KCNK9: variants seen among roughly 807,000 people sequenced by gnomAD.
KCNK9 encodes potassium channel subfamily K member 9.
A neutral mutation model predicts 10.8 loss-of-function variants in KCNK9; 1 was observed. The ratio of observed to expected loss-of-function variants is 0.09; its 90% CI spans 0.03 to 0.44. KCNK9 has a LOEUF of 0.44. KCNK9 is among the 20% of genes least tolerant of loss of function. The pLI is 0.97. For missense variants in KCNK9, 303 were observed against 515.0 expected, an observed-to-expected ratio of 0.59 and a Z score of 3.98; for synonymous variants, 231 against 222.7, an observed-to-expected ratio of 1.04 and a Z score of -0.33.
downstream of KCNK9, among the ~76,000 whole-genome samples, chr8:139,613,438 C>T (rs1171744883): frequency 6.6e-6 from 1 of 152,178 alleles, no homozygotes; most frequent in Non-Finnish European, 1.5e-5. Context: ...GCCCAGAATG[C>T]ACCTGGCCTT....
intron 1 of KCNK9, among the ~76,000 whole-genome samples, chr8:139,689,767 C>G (rs576956676): frequency 6.6e-6 from 1 of 151,956 alleles, no homozygotes. Flanking sequence ...CTCAGCCTCC[C>G]GAATAGCTGG....
chr8:139,623,324 G>A (rs1255043665), intron 1 of KCNK9, among the ~76,000 whole-genome samples: 2 of 152,140 alleles, frequency 1.3e-5, no homozygotes, highest in Non-Finnish European at 2.9e-5. Context: ...GGGGTCAGAA[G>A]ATATATTCAT....
intron 2 of KCNK9, among the ~76,000 whole-genome samples, chr8:139,604,310 G>A (rs371298186): frequency 6.6e-6 from 1 of 152,160 alleles, no homozygotes; most frequent in African/African-American, 2.4e-5. Flanking sequence ...CACAATAGAC[G>A]TGTCAAGTGT....
At chr8:139,660,873 G>T (rs571423747) in intron 1 of KCNK9, among the ~76,000 whole-genome samples, 1 of 152,126 alleles carries the variant, frequency 6.6e-6, no homozygotes, top group Non-Finnish European at 1.5e-5. Flanking sequence ...AGAGCTAGCT[G>T]GTAGAGGACC....
intron 1 of KCNK9, among the ~76,000 whole-genome samples, chr8:139,647,041 C>A (rs1446991094): frequency 6.6e-6 from 1 of 152,194 alleles, no homozygotes; most frequent in East Asian, 1.9e-4. Flanking sequence ...GCTCCCAGAC[C>A]CTACACAAGG....
intron 1 of KCNK9, among the ~76,000 whole-genome samples, chr8:139,640,345 C>T (rs867798224): frequency 4.6e-5 from 7 of 152,328 alleles, no homozygotes; most frequent in Middle Eastern, 3.4e-3. Flanking sequence ...GAGCCCCTGA[C>T]GCACTGTACA....
intron 1 of KCNK9, among the ~76,000 whole-genome samples, chr8:139,675,852 C>T (rs1007319319): frequency 6.6e-6 from 1 of 152,192 alleles, no homozygotes; most frequent in Non-Finnish European, 1.5e-5. Context: ...ACCTCATAAA[C>T]CTGGTGCAAT....
intron 1 of KCNK9, among the ~76,000 whole-genome samples, chr8:139,696,529 G>A (rs758571897): frequency 2.6e-5 from 4 of 152,176 alleles, no homozygotes; most frequent in Non-Finnish European, 5.9e-5. Flanking sequence ...GCTCACCACC[G>A]TGTGCCTCCC....
At chr8:139,683,421 C>A (rs1816730698) in intron 1 of KCNK9, among the ~76,000 whole-genome samples, 1 of 152,208 alleles carries the variant, frequency 6.6e-6, no homozygotes, top group Non-Finnish European at 1.5e-5. Context: ...TCTTCTGATT[C>A]TTTTATAGGG....
rs1563752032 is a variant in KCNK9, at chr8:139,687,573, T to TATATATGTATACATATATTC, written c.283+15136_283+15137insGAATATATGTATACATATAT. 2.1e-3 allele frequency among the ~76,000 whole-genome samples: 236 copies of TATATATGTATACATATATTC among 111,594 alleles called. 9 individuals carry two copies. Among genetic ancestry groups the TATATATGTATACATATATTC allele is most frequent in the African/African-American group, 7.1e-3 (209 of 29,444 alleles). 73.2% of individuals were successfully genotyped at this position (111,594 alleles called of 152,430 possible). On this transcript the variant is annotated intron_variant, in intron 1 of 1. Coordinates refer to ENST00000520439, the MANE Select transcript of KCNK9 (RefSeq NM_001282534.2). ...TCATATATATGTATACATATATTCA[T>TATATATGTATACATATATTC]ATATATGTATACATATATATTCATA...
At chr8:139,673,834 C>G (rs962044101) in intron 1 of KCNK9, among the ~76,000 whole-genome samples, 2 of 152,048 alleles carry the variant, frequency 1.3e-5, no homozygotes, top group Non-Finnish European at 2.9e-5. Flanking sequence ...GTTTTCATCC[C>G]AGGATCATGC....
downstream of KCNK9, among the ~76,000 whole-genome samples, chr8:139,609,106 A>ACCCCCCCCCC (rs1554617339): frequency 2.1e-3 from 259 of 123,768 alleles, no homozygotes; most frequent in African/African-American, 2.8e-3. Context: ...GACCCATCCC[A>ACCCCCCCCCC]CCCCACCCCG....
intron 1 of KCNK9, among the ~76,000 whole-genome samples, chr8:139,700,508 ACGCG>A (rs1218216062): frequency 1.7e-5 from 2 of 118,302 alleles, no homozygotes; most frequent in Admixed American, 8.5e-5. Flanking sequence ...ACACACACAC[ACGCG>A]CGCGCGCGCA....
rs1415460837 is a variant in KCNK9 at position 139,618,168 on chromosome 8, A to T, written c.*90T>A. 6.7e-7 allele frequency: 1 copy of T among 1,482,974 alleles called. No homozygotes were observed. Among genetic ancestry groups the T allele is most frequent in the Non-Finnish European group, 9.3e-7 (1 of 1,072,024 alleles). The allele number at this position is 1,482,974 out of a possible 1,614,324, so 91.9% of individuals were successfully genotyped here. ...AAGTAATAATGATGACAATAATAAT[A>T]ATAAATAAATAAGAAAAGACGAGTT... On this transcript the variant is annotated 3_prime_UTR_variant, in exon 2 of 2. Transcript: ENST00000520439. This position sits in a 1 kb window ranked among gnomAD's most constrained non-coding sequence, Gnocchi z 7.9.
In KCNK9 at chr8:139,618,264, G is replaced by A. The variant is rs1814660017; in HGVS notation, c.1119C>T (p.Ser373=). The change falls in exon 2 of 2, where the codon TCC becomes TCT. Residue 373 remains serine, a synonymous_variant. Coordinates refer to ENST00000520439, the MANE Select transcript of KCNK9 (RefSeq NM_001282534.2). This position sits in a 1 kb window ranked among gnomAD's most constrained non-coding sequence, Gnocchi z 7.9. ...DHQRLMKRRK[S]V ...CCCATTTCCCTCCCCACACCTAAACGGACTTCCGGCGTTTCATCAGCCTCT... is the reference window on the plus strand; with the variant it reads ...CCCATTTCCCTCCCCACACCTAAACAGACTTCCGGCGTTTCATCAGCCTCT... The A allele has an allele frequency of 9.9e-6, 16 of 1,614,052 alleles. No individual in the cohort carries two copies. Among genetic ancestry groups the A allele is most frequent in the East Asian group, 2.2e-5 (1 of 44,894 alleles).
At position 139,693,910 on chromosome 8, in the gene KCNK9, G is replaced by T. The variant is rs1178794751; in HGVS notation, c.283+8800C>A. ...CCCAGGAAGCCATAGTATCCCAACA[G>T]AACTGAGTTGGGGAAATCTTACTCC... On this transcript the variant is annotated intron_variant, in intron 1 of 1. Transcript: ENST00000520439. This position sits in a 1 kb window ranked among gnomAD's most constrained non-coding sequence, Gnocchi z 4.1. Among the ~76,000 whole-genome samples, 1 of 152,136 alleles carries T rather than the reference G, an allele frequency of 6.6e-6. No individual in the cohort carries two copies. The highest frequency in any genetic ancestry group is 1.5e-5 in the Non-Finnish European group (1 of 68,014).
downstream of KCNK9, chr8:139,616,404 T>C (rs1481679397): frequency 1.3e-5 from 2 of 152,198 alleles, no homozygotes; most frequent in Non-Finnish European, 2.9e-5. Flanking sequence ...TTGAGAACTG[T>C]CAACTTTGGC....
intron 1 of KCNK9, among the ~76,000 whole-genome samples, chr8:139,672,198 C>G (rs1816445480): frequency 6.6e-6 from 1 of 152,162 alleles, no homozygotes; most frequent in African/African-American, 2.4e-5. Context: ...GGTTCCTCCT[C>G]TCTAGGACAG....
At chr8:139,697,725 A>G (rs930731381) in intron 1 of KCNK9, among the ~76,000 whole-genome samples, 1 of 152,092 alleles carries the variant, frequency 6.6e-6, no homozygotes, top group Non-Finnish European at 1.5e-5. Flanking sequence ...CCCTCCTCAG[A>G]GCACCATGCT....
Sources: gnomAD v4.1 joint callset for allele counts (sites outside exome capture counted in the v4.1 genomes callset) on GRCh38, gnomAD v4.1.1 for gene constraint, Gnocchi (gnomAD v3.1) non-coding constraint, MANE v1.5 for transcripts, NCBI Gene and HGNC (gene_info 2026-07-23, HGNC 2026-07-21) for gene names.